The following ATP8A2 variants were observed in gnomAD, a reference collection of about 807,000 sequenced individuals.
ATP8A2 encodes the protein phospholipid-transporting ATPase IB.
In ATP8A2, 100 loss-of-function variants were observed where a neutral mutation model predicts 165.6. That is an observed-to-expected ratio of 0.60 (90% CI 0.51 to 0.71). The LOEUF is 0.71. ATP8A2 is among the 30% of genes least tolerant of loss of function. The pLI, the probability that ATP8A2 is intolerant of heterozygous loss-of-function variation, is 0.00. For missense variants in ATP8A2, 1,227 were observed against 1,479.5 expected, an observed-to-expected ratio of 0.83 and a Z score of 2.80; for synonymous variants, 543 against 548.8, an observed-to-expected ratio of 0.99 and a Z score of 0.15.
At chr13:25,589,258 A>G (rs890762100) in intron 23 of ATP8A2, among the ~76,000 whole-genome samples, 4 of 152,052 alleles carry the variant, frequency 2.6e-5, no homozygotes, top group African/African-American at 7.2e-5. Context: ...GAAGGGAGGG[A>G]GCTAGCTATC....
At chr13:25,801,871 T>A (rs1950629175) in intron 27 of ATP8A2, among the ~76,000 whole-genome samples, 2 of 151,978 alleles carry the variant, frequency 1.3e-5, no homozygotes. Context: ...ATGTCCTTCT[T>A]CACATGGCAG....
intron 30 of ATP8A2, among the ~76,000 whole-genome samples, chr13:25,852,329 C>T (rs1395526338): frequency 7.2e-5 from 11 of 152,046 alleles, no homozygotes; most frequent in Non-Finnish European, 4.4e-5. Flanking sequence ...CAGGTCAGCC[C>T]CCAGACAAAG....
chr13:25,844,904 G>T (rs1951824145), intron 30 of ATP8A2, among the ~76,000 whole-genome samples: 1 of 152,172 alleles, frequency 6.6e-6, no homozygotes, highest in Non-Finnish European at 1.5e-5. Context: ...TTTGGGCAAG[G>T]CAACAGAAGC....
At chr13:25,615,819 G>T (rs2040808583) in intron 24 of ATP8A2, among the ~76,000 whole-genome samples, 1 of 152,096 alleles carries the variant, frequency 6.6e-6, no homozygotes, top group Non-Finnish European at 1.5e-5. Context: ...TGGACCTTCA[G>T]GTTCCCCTGT....
At chr13:26,008,822 A>G (rs1956790703) in intron 35 of ATP8A2, among the ~76,000 whole-genome samples, 1 of 152,332 alleles carries the variant, frequency 6.6e-6, no homozygotes, top group Admixed American at 6.5e-5. Flanking sequence ...TGCATTATTG[A>G]AGAAGGGGGT....
chr13:25,835,317 TG>T (rs1951577567), intron 28 of ATP8A2, among the ~76,000 whole-genome samples: 2 of 152,122 alleles, frequency 1.3e-5, no homozygotes, highest in Non-Finnish European at 2.9e-5. Flanking sequence ...GATTTCTCCT[TG>T]AAGTCTTTGT....
chr13:25,409,363 C>G (rs2033900568), intron 1 of ATP8A2, among the ~76,000 whole-genome samples: 1 of 152,134 alleles, frequency 6.6e-6, no homozygotes, highest in Non-Finnish European at 1.5e-5. Flanking sequence ...AACAAAAAGA[C>G]AAGATCCTGG....
intron 25 of ATP8A2, among the ~76,000 whole-genome samples, chr13:25,723,599 G>A (rs1229842644): frequency 1.3e-5 from 2 of 152,094 alleles, no homozygotes; most frequent in African/African-American, 4.8e-5. Context: ...TAACTGCATT[G>A]AAGCTGGATA....
chr13:25,623,185 A>T (rs2041016370), intron 24 of ATP8A2, among the ~76,000 whole-genome samples: 1 of 152,176 alleles, frequency 6.6e-6, no homozygotes, highest in Non-Finnish European at 1.5e-5. Context: ...GGAATTCAAG[A>T]CCACCTGGGC....
intron 25 of ATP8A2, 39 bp downstream of exon 25, chr13:25,699,384 G>A (rs754634336): frequency 1.2e-5 from 18 of 1,490,880 alleles, no homozygotes; most frequent in African/African-American, 1.4e-5. Flanking sequence ...ACACTCTGCT[G>A]TGTCTGTATC....
chr13:25,838,307 A>G (rs1482913683), intron 29 of ATP8A2, among the ~76,000 whole-genome samples: 1 of 152,128 alleles, frequency 6.6e-6, no homozygotes, highest in African/African-American at 2.4e-5. Context: ...GAGGCTCACT[A>G]GTTACATCCG....
intron 24 of ATP8A2, among the ~76,000 whole-genome samples, chr13:25,625,961 T>C (rs1326335690): frequency 6.6e-6 from 1 of 152,156 alleles, no homozygotes; most frequent in Non-Finnish European, 1.5e-5. Context: ...TGTTTGTTTG[T>C]TTTTTTAAAC....
At chr13:25,528,583 G>A (rs1436444225) in intron 2 of ATP8A2, among the ~76,000 whole-genome samples, 1 of 152,150 alleles carries the variant, frequency 6.6e-6, no homozygotes, top group Non-Finnish European at 1.5e-5. Flanking sequence ...TGCTTCTGGT[G>A]TATTCTGTCT....
At chr13:25,827,480 T>A (rs1951351862) in intron 27 of ATP8A2, among the ~76,000 whole-genome samples, 1 of 152,246 alleles carries the variant, frequency 6.6e-6, no homozygotes, top group Non-Finnish European at 1.5e-5. Context: ...TAGTTGTTTT[T>A]ATATCAGTCT....
chr13:25,576,070 G>A (rs1386399639), intron 19 of ATP8A2, among the ~76,000 whole-genome samples: 3 of 152,104 alleles, frequency 2.0e-5, no homozygotes, highest in South Asian at 2.1e-4. Context: ...TAATACTCCC[G>A]CGAAGTACTT....
At chr13:25,476,099 A>G (rs777998109) in intron 2 of ATP8A2, among the ~76,000 whole-genome samples, 2 of 152,162 alleles carry the variant, frequency 1.3e-5, no homozygotes, top group Non-Finnish European at 2.9e-5. Context: ...TCAGTAACCA[A>G]TTTGTCCATG....
At chr13:25,739,145 T>A (rs115494582) in intron 25 of ATP8A2, among the ~76,000 whole-genome samples, 37 of 152,334 alleles carry the variant, frequency 2.4e-4, no homozygotes, top group African/African-American at 8.7e-4. Context: ...TTCTCTCAGG[T>A]GTCTGCACAA....
intron 24 of ATP8A2, among the ~76,000 whole-genome samples, chr13:25,681,864 T>C (rs996757510): frequency 6.6e-6 from 1 of 151,874 alleles, no homozygotes; most frequent in African/African-American, 2.4e-5. Flanking sequence ...TATCTGTCCT[T>C]GAAAATAGTT....
chr13:25,581,776 A>T, intron 22 of ATP8A2, 43 bp from the exon 23 acceptor site: 1 of 1,584,694 alleles, frequency 6.3e-7, no homozygotes, highest in South Asian at 1.1e-5. Context: ...TGCTGTTCTT[A>T]AGTATGTGCC....
Sources: allele counts gnomAD v4.1 joint callset (sites outside exome capture counted in the v4.1 genomes callset), GRCh38; gene constraint gnomAD v4.1.1; transcripts MANE v1.5; gene names NCBI Gene and HGNC (gene_info 2026-07-23, HGNC 2026-07-21).